TMEM135: variants seen among roughly 807,000 people sequenced by gnomAD.
TMEM135 encodes transmembrane protein 135.
Under a neutral mutation model 60.3 loss-of-function variants are expected in TMEM135, and 30 were observed. The observed-to-expected ratio is 0.50, with a 90% CI of 0.37 to 0.68. TMEM135 has a LOEUF of 0.68. Ranked by LOEUF, TMEM135 falls within the 30% of genes least tolerant of loss-of-function variation. TMEM135 has a pLI of 0.00. For synonymous variants in TMEM135, 190 were observed against 186.7 expected, an observed-to-expected ratio of 1.02 and a Z score of -0.14; for missense variants, 468 against 548.8, an observed-to-expected ratio of 0.85 and a Z score of 1.47.
At chr11:87,235,526 A>C (rs1405553513) in intron 5 of TMEM135, among the ~76,000 whole-genome samples, 1 of 151,986 alleles carries the variant, frequency 6.6e-6, no homozygotes. Flanking sequence ...CCATGCTTTC[A>C]TCAGGTTGAC....
intron 4 of TMEM135, among the ~76,000 whole-genome samples, chr11:87,103,720 G>A (rs909725613): frequency 7.3e-5 from 11 of 151,650 alleles, no homozygotes; most frequent in Non-Finnish European, 1.5e-5. Context: ...GTGCAGTGGC[G>A]CAACCTTGGC....
intron 1 of TMEM135, among the ~76,000 whole-genome samples, chr11:87,046,843 A>G (rs2135110029): frequency 6.6e-6 from 1 of 152,302 alleles, no homozygotes; most frequent in East Asian, 1.9e-4. Flanking sequence ...TCTTGAAGTA[A>G]AGGAGTTTTG....
chr11:87,116,481 CTTAA>C (rs1241040668), intron 4 of TMEM135, among the ~76,000 whole-genome samples: 2 of 152,108 alleles, frequency 1.3e-5, no homozygotes, highest in African/African-American at 4.8e-5. Context: ...TTTTCAGAAA[CTTAA>C]TTGATTCCAG....
At chr11:87,279,313 T>A (rs10898657) in intron 6 of TMEM135, among the ~76,000 whole-genome samples, 55,570 of 151,884 alleles carry the variant, frequency 0.37, 10,817 homozygotes, top group Non-Finnish European at 0.43. Context: ...TGTCTGTGGC[T>A]CACTGTTTCA....
intron 4 of TMEM135, among the ~76,000 whole-genome samples, chr11:87,136,236 A>G (rs1012182886): frequency 2.6e-5 from 4 of 151,996 alleles, no homozygotes; most frequent in Non-Finnish European, 5.9e-5. Context: ...TTGGAATGGA[A>G]GTTTGATTAT....
intron 6 of TMEM135, among the ~76,000 whole-genome samples, chr11:87,255,757 T>G (rs1010980288): frequency 3.3e-5 from 5 of 152,166 alleles, no homozygotes; most frequent in Non-Finnish European, 7.3e-5. Context: ...TTTCTCTCCC[T>G]GCCTGTAAGA....
In TMEM135 at chr11:87,222,601, C is replaced by T. The variant is rs570616686; in HGVS notation, c.463-14037C>T. Reference sequence around the variant, plus strand: ...GGCGGATCACCTGAGGTCAGGAGTTCGAGACCAGCCTGACTAACATAGTGA... The same window carrying T: ...GGCGGATCACCTGAGGTCAGGAGTTTGAGACCAGCCTGACTAACATAGTGA... On this transcript the variant is annotated intron_variant, in intron 5 of 14. Transcript: ENST00000305494. Among the ~76,000 whole-genome samples the T allele has an allele frequency of 8.6e-5, 13 of 151,418 alleles. No homozygotes were observed. The South Asian group carries it at 1.9e-3, about 22-fold the overall frequency.
chr11:87,066,874 G>C (rs1184075411), intron 1 of TMEM135, among the ~76,000 whole-genome samples: 1 of 147,694 alleles, frequency 6.8e-6, no homozygotes, highest in African/African-American at 2.5e-5. Flanking sequence ...TCCGCCTCCC[G>C]GGTTCAAGCA....
At chr11:87,277,753 CT>C (rs1437369285) in intron 6 of TMEM135, among the ~76,000 whole-genome samples, 2 of 152,068 alleles carry the variant, frequency 1.3e-5, no homozygotes, top group Non-Finnish European at 2.9e-5. Flanking sequence ...AACTCCTAAC[CT>C]TAGGTGATCT....
intron 4 of TMEM135, among the ~76,000 whole-genome samples, chr11:87,143,995 T>C (rs1938336983): frequency 6.6e-6 from 1 of 152,220 alleles, no homozygotes; most frequent in South Asian, 2.1e-4. Context: ...AATACTTTTG[T>C]CCAGATTTTA....
intron 4 of TMEM135, chr11:87,121,198 A>C (rs1266858141): frequency 6.6e-6 from 1 of 152,212 alleles, no homozygotes; most frequent in Non-Finnish European, 1.5e-5. Flanking sequence ...CGTTGTGTGC[A>C]CAGGGAGTCC....
intron 6 of TMEM135, among the ~76,000 whole-genome samples, chr11:87,294,283 A>G (rs1942313688): frequency 6.6e-6 from 1 of 152,222 alleles, no homozygotes; most frequent in African/African-American, 2.4e-5. Context: ...AAAAATGTAT[A>G]TGATTTTGAT....
chr11:87,324,498 T>C lies in TMEM135; in HGVS notation c.*3165T>C. ...GTACAGTGGTGCAATCATAGCTCAT[T>C]GAAACCTCAAATTCCTTGGTTCAAG... is the stretch of plus-strand genomic sequence containing the variant. On this transcript the variant is annotated 3_prime_UTR_variant, in exon 15 of 15. Transcript: ENST00000305494. 2.2e-6 allele frequency: 1 copy of C among 453,680 alleles called. No homozygotes were observed. Among genetic ancestry groups the C allele is most frequent in the South Asian group, 1.6e-5 (1 of 64,346 alleles). 28.1% of individuals were successfully genotyped at this position (453,680 alleles called of 1,614,324 possible). A position where few individuals can be genotyped will look rare whatever the true frequency, so the allele number is the denominator to read the frequency against.
intron 2 of TMEM135, among the ~76,000 whole-genome samples, chr11:87,068,909 GAAA>G (rs1856719536): frequency 6.6e-6 from 1 of 151,642 alleles, no homozygotes; most frequent in Admixed American, 6.6e-5. Flanking sequence ...AGATTATGCA[GAAA>G]ATAATTGATA....
rs767678459 is a variant in TMEM135, at chr11:87,221,202, T to TA, written c.463-15432dup. On this transcript the variant is annotated intron_variant, in intron 5 of 14. Coordinates refer to ENST00000305494, the MANE Select transcript of TMEM135 (RefSeq NM_022918.4). ...CAGGTTGTGAACATAATTGAGGGGC[T>TA]AAAATACCATATGAGGATTGCATTC... Among the ~76,000 whole-genome samples, 10 of 152,316 alleles carry TA rather than the reference T, an allele frequency of 6.6e-5. No individual in the cohort carries two copies. The East Asian group carries it at 1.7e-3, about 26-fold the overall frequency.
intron 6 of TMEM135, among the ~76,000 whole-genome samples, chr11:87,237,221 C>T (rs951067377): frequency 6.6e-6 from 1 of 151,850 alleles, no homozygotes; most frequent in African/African-American, 2.4e-5. Flanking sequence ...GTTAGGATGG[C>T]CCAAGATTTA....
chr11:87,043,568 C>T (rs1396341320), intron 1 of TMEM135, among the ~76,000 whole-genome samples: 1 of 151,772 alleles, frequency 6.6e-6, no homozygotes, highest in African/African-American at 2.4e-5. Context: ...ACTAAAAATA[C>T]AAAAATTAGC....
intron 5 of TMEM135, among the ~76,000 whole-genome samples, chr11:87,166,626 G>A (rs148991660): frequency 0.024 from 3,613 of 151,458 alleles, 223 homozygotes; most frequent in African/African-American, 0.072. Context: ...GATGTGTGGC[G>A]TTATTTCTGA....
At chr11:87,320,115 C>A (rs1301046666) in intron 14 of TMEM135, among the ~76,000 whole-genome samples, 36 of 152,078 alleles carry the variant, frequency 2.4e-4, no homozygotes, top group Admixed American at 2.4e-3. Flanking sequence ...CAATGTCCAA[C>A]ATATGGTTTT....
Sources: allele counts gnomAD v4.1 joint callset (sites outside exome capture counted in the v4.1 genomes callset), GRCh38; gene constraint gnomAD v4.1.1; transcripts MANE v1.5; gene names NCBI Gene and HGNC (gene_info 2026-07-23, HGNC 2026-07-21).